The following MAMDC2 variants were observed in gnomAD, a reference collection of about 807,000 sequenced individuals.
The protein encoded by MAMDC2 is MAM domain-containing protein 2.
A neutral mutation model predicts 89.8 loss-of-function variants in MAMDC2; 57 were observed. The ratio of observed to expected loss-of-function variants is 0.63; its 90% CI spans 0.51 to 0.79. MAMDC2 has a LOEUF of 0.79. Among genes scored for constraint, MAMDC2 ranks in the 30% least tolerant of loss-of-function variants. The probability of loss-of-function intolerance (pLI) is 0.00; values close to 1 mark genes in which losing one functional copy is unlikely to be tolerated. For synonymous variants in MAMDC2, 313 were observed against 293.4 expected (o/e 1.07, Z -0.68); for missense variants, 800 against 820.6 (o/e 0.97, Z 0.31).
At chr9:70,222,028 G>C (rs2033575082) in intron 12 of MAMDC2, among the ~76,000 whole-genome samples, 1 of 152,130 alleles carries the variant, frequency 6.6e-6, no homozygotes, top group Admixed American at 6.5e-5. Flanking sequence ...GGAGACTTTG[G>C]GGGCTGCTGC....
At chr9:70,157,800 G>A (rs895283422) in intron 9 of MAMDC2, 2 of 152,432 alleles carry the variant, frequency 1.3e-5, no homozygotes, top group African/African-American at 4.8e-5. Flanking sequence ...ATGCAACAAA[G>A]TCTTAATACA....
At chr9:70,200,219 G>A (rs1460421849) in intron 11 of MAMDC2, among the ~76,000 whole-genome samples, 1 of 151,518 alleles carries the variant, frequency 6.6e-6, no homozygotes, top group Non-Finnish European at 1.5e-5. Flanking sequence ...ATCTTGAATT[G>A]ATTTTTGTAT....
In MAMDC2 at chr9:70,044,645, T is replaced by C; in HGVS notation, c.96T>C (p.Thr32=). Residue 32 remains threonine (T), a synonymous_variant, in exon 2 of 14, where the codon ACT becomes ACC. Transcript: ENST00000377182. ...PAGSCAFEES[T]CGFDSVLASL... is the part of the protein sequence containing the mutation. Reference sequence around the variant, plus strand: ...GGTCCTGTGCCTTTGAAGAGAGCACTTGCGGCTTTGACTCCGTGTTGGCCT... The same window carrying C: ...GGTCCTGTGCCTTTGAAGAGAGCACCTGCGGCTTTGACTCCGTGTTGGCCT... 7.1e-6 allele frequency: 11 copies of C among 1,551,620 alleles called. No individual in the cohort carries two copies. The highest frequency in any genetic ancestry group is 1.2e-5 in the South Asian group (1 of 84,056).
chr9:70,108,870 T>G (rs1427036816), intron 3 of MAMDC2, among the ~76,000 whole-genome samples: 2 of 152,212 alleles, frequency 1.3e-5, no homozygotes, highest in African/African-American at 4.8e-5. Context: ...CTACAAATTT[T>G]GAACAAAAGA....
intron 11 of MAMDC2, among the ~76,000 whole-genome samples, chr9:70,217,024 G>T (rs1282616958): frequency 6.6e-6 from 1 of 152,180 alleles, no homozygotes; most frequent in East Asian, 1.9e-4. Flanking sequence ...CAAGTTGGCT[G>T]CAGCACACCA....
At chr9:70,181,866 G>A (rs542798901) in intron 11 of MAMDC2, among the ~76,000 whole-genome samples, 1 of 152,046 alleles carries the variant, frequency 6.6e-6, no homozygotes, top group Non-Finnish European at 1.5e-5. Flanking sequence ...TTGCCTGATT[G>A]CCCTGGACAG....
chr9:70,170,402 C>A, intron 10 of MAMDC2, 77 bp from the exon 11 acceptor site: 1 of 1,484,596 alleles, frequency 6.7e-7, no homozygotes, highest in Non-Finnish European at 9.1e-7. Context: ...AACATTCATA[C>A]ATGCAGAGTG....
intron 12 of MAMDC2, among the ~76,000 whole-genome samples, chr9:70,219,389 C>T (rs924193391): frequency 6.6e-6 from 1 of 152,184 alleles, no homozygotes; most frequent in Non-Finnish European, 1.5e-5. Context: ...GTGTGACCTC[C>T]AACTAAAGGC....
chr9:70,121,070 G>A (rs2030262115), intron 5 of MAMDC2, among the ~76,000 whole-genome samples: 1 of 152,202 alleles, frequency 6.6e-6, no homozygotes, highest in African/African-American at 2.4e-5. Context: ...CCAGCAGGGC[G>A]CATCACAGCT....
intron 11 of MAMDC2, among the ~76,000 whole-genome samples, chr9:70,194,956 T>G (rs1264624425): frequency 6.6e-6 from 1 of 152,086 alleles, no homozygotes; most frequent in Non-Finnish European, 1.5e-5. Context: ...TACATGAGTA[T>G]TTTTCTAATT....
chr9:70,160,703 G>A (rs1456459399), intron 9 of MAMDC2, among the ~76,000 whole-genome samples: 1 of 152,158 alleles, frequency 6.6e-6, no homozygotes, highest in Non-Finnish European at 1.5e-5. Flanking sequence ...TGAGAAGGAC[G>A]TGGCTGAGGT....
At chr9:70,200,461 A>G (rs1444549261) in intron 11 of MAMDC2, among the ~76,000 whole-genome samples, 1 of 151,282 alleles carries the variant, frequency 6.6e-6, no homozygotes, top group Non-Finnish European at 1.5e-5. Flanking sequence ...GTAGCCTTGT[A>G]GTATAGTTTG....
chr9:70,140,482 G>C (rs1045366396), intron 8 of MAMDC2, among the ~76,000 whole-genome samples, 194 bp downstream of exon 8: 2 of 152,122 alleles, frequency 1.3e-5, no homozygotes, highest in East Asian at 3.9e-4. Context: ...AAACATATTT[G>C]CTAGTTAATT....
chr9:70,107,602 T>A (rs1015381359), intron 2 of MAMDC2, among the ~76,000 whole-genome samples: 1 of 152,176 alleles, frequency 6.6e-6, no homozygotes, highest in African/African-American at 2.4e-5. Flanking sequence ...GGGAAGGAAG[T>A]CTTATTCCTA....
At chr9:70,105,489 G>T (rs1382004856) in intron 2 of MAMDC2, among the ~76,000 whole-genome samples, 1 of 152,168 alleles carries the variant, frequency 6.6e-6, no homozygotes, top group African/African-American at 2.4e-5. Context: ...CATCCAATCA[G>T]CTGGGTAGAT....
Position 70,150,664 on chromosome 9 carries a change from C to A in MAMDC2, c.1404+6845C>A, listed in dbSNP as rs547731897. 4.6e-5 allele frequency among the ~76,000 whole-genome samples: 7 copies of A among 152,294 alleles called. No homozygotes were observed. In the East Asian group the frequency reaches 1.4e-3, roughly 29 times the overall value. On this transcript the variant is annotated intron_variant, in intron 9 of 13. Coordinates refer to ENST00000377182, the MANE Select transcript of MAMDC2 (RefSeq NM_153267.5). ...TAGTTTGATTCTTCCTGTTTCCTTG[C>A]CACTTTTCCCTAAATTCCAGACGAA...
At chr9:70,129,203 G>T (rs923333404) in intron 6 of MAMDC2, among the ~76,000 whole-genome samples, 13 of 152,168 alleles carry the variant, frequency 8.5e-5, no homozygotes, top group South Asian at 2.1e-4. Context: ...ATTAAATTAT[G>T]GGGGCAGTTC....
intron 11 of MAMDC2, among the ~76,000 whole-genome samples, chr9:70,180,499 A>AT (rs201031956): frequency 0.069 from 10,481 of 152,092 alleles, 574 homozygotes; most frequent in East Asian, 0.22. Flanking sequence ...AAGCATTCCT[A>AT]TTTTTCCACA....
chr9:70,182,688 G>A (rs1017759398), intron 11 of MAMDC2, among the ~76,000 whole-genome samples: 17 of 152,150 alleles, frequency 1.1e-4, no homozygotes, highest in African/African-American at 3.4e-4. Flanking sequence ...ATTTCTGTAG[G>A]ATCAGTTGTG....
Sources: allele counts gnomAD v4.1 joint callset (sites outside exome capture counted in the v4.1 genomes callset), GRCh38; gene constraint gnomAD v4.1.1; transcripts MANE v1.5; gene names NCBI Gene and HGNC (gene_info 2026-07-23, HGNC 2026-07-21).